Variants in ADAMTS18 observed in about 807,000 individuals in gnomAD.
The protein encoded by ADAMTS18 is ADAM metallopeptidase with thrombospondin type 1 motif 18, also known as A disintegrin and metalloproteinase with thrombospondin motifs 18.
In ADAMTS18, 157 loss-of-function variants were observed where a neutral mutation model predicts 165.9. The observed-to-expected ratio is 0.95, with a 90% CI of 0.83 to 1.08. The LOEUF is 1.08. Among genes scored for constraint, ADAMTS18 ranks in the 50% least tolerant of loss-of-function variants. The probability of loss-of-function intolerance (pLI) is 0.00; values close to 1 mark genes in which losing one functional copy is unlikely to be tolerated. For missense variants in ADAMTS18, 2,040 were observed against 1,534.0 expected (o/e 1.33, Z -5.51); for synonymous variants, 782 against 578.2 (o/e 1.35, Z -5.06).
chr16:77,381,991 C>G (rs1443505758), intron 3 of ADAMTS18, among the ~76,000 whole-genome samples: 2 of 152,094 alleles, frequency 1.3e-5, no homozygotes, highest in African/African-American at 4.8e-5. Context: ...AGATTTCACC[C>G]TGAAATGCTC....
intron 20 of ADAMTS18, 52 bp downstream of exon 20, chr16:77,293,024 T>C (rs757044039): frequency 1.1e-5 from 17 of 1,609,910 alleles, no homozygotes; most frequent in Non-Finnish European, 1.4e-5. Context: ...TTTCACTGTG[T>C]TAGCCAGGAT....
At position 77,431,298 on chromosome 16, in the gene ADAMTS18, G is replaced by C; in HGVS notation, c.492C>G (p.Gly164=). 2 of 1,614,132 alleles carry C rather than the reference G, an allele frequency of 1.2e-6. No homozygotes were observed. Among genetic ancestry groups the C allele is most frequent in the Non-Finnish European group, 1.7e-6 (2 of 1,180,024 alleles). Residue 164 remains glycine, a synonymous_variant, in exon 3 of 23, where the codon GGC becomes GGG. Coordinates refer to ENST00000282849, the MANE Select transcript of ADAMTS18 (RefSeq NM_199355.4). ...ACTCAGACTGGGGTGTACTTACCAA[G>C]CCAGCACACGTAGACACAGCGACAG... The part of the protein sequence containing the change: ...SSSVAVSTCA[G]LSGLIRTRKN...
intron 11 of ADAMTS18, among the ~76,000 whole-genome samples, chr16:77,338,321 C>T (rs544148343): frequency 5.3e-5 from 8 of 152,222 alleles, no homozygotes; most frequent in Non-Finnish European, 1.0e-4. Flanking sequence ...CTGTAGCCTC[C>T]ACCTCCCGGA....
chr16:77,348,512 C>T (rs547792323), intron 10 of ADAMTS18, among the ~76,000 whole-genome samples: 1 of 152,294 alleles, frequency 6.6e-6, no homozygotes, highest in Non-Finnish European at 1.5e-5. Context: ...CTGTGGCATG[C>T]CTGCTCAGAT....
In ADAMTS18 at chr16:77,373,378, G is replaced by A. The variant is rs144179047; in HGVS notation, c.496-5655C>T. Among the ~76,000 whole-genome samples, 797 of 151,338 alleles carry A rather than the reference G, an allele frequency of 5.3e-3. 7 individuals are homozygous for A. The highest frequency in any genetic ancestry group is 0.027 in the Middle Eastern group (8 of 292). On this transcript the variant is annotated intron_variant, in intron 3 of 22. Transcript: ENST00000282849. ...GGAGGCTGAGGCAGGACAATCGCTT[G>A]AACACGGGAGGCGGAGGTTGCAGTG... is the stretch of plus-strand genomic sequence containing the variant.
intron 21 of ADAMTS18, 70 bp downstream of exon 21, chr16:77,291,196 C>CTGTT (rs2055355357): frequency 6.5e-7 from 1 of 1,530,086 alleles, no homozygotes; most frequent in Non-Finnish European, 9.0e-7. Flanking sequence ...CTAAGAGCAA[C>CTGTT]TGTTTGCAGA....
intron 3 of ADAMTS18, among the ~76,000 whole-genome samples, chr16:77,422,967 C>G (rs1434761274): frequency 6.6e-6 from 1 of 152,188 alleles, no homozygotes; most frequent in Non-Finnish European, 1.5e-5. Flanking sequence ...AGGTCCTGTT[C>G]AGACACCTTG....
chr16:77,366,503 G>A (rs1265480736), intron 4 of ADAMTS18, among the ~76,000 whole-genome samples: 2 of 152,162 alleles, frequency 1.3e-5, no homozygotes, highest in Non-Finnish European at 2.9e-5. Flanking sequence ...AGGTTGCAGT[G>A]AGCAGAGATC....
chr16:77,327,642 T>C (rs934564920), intron 12 of ADAMTS18, among the ~76,000 whole-genome samples: 6 of 152,230 alleles, frequency 3.9e-5, no homozygotes, highest in Non-Finnish European at 7.3e-5. Flanking sequence ...GGGATATTCC[T>C]GACCCTCATC....
At chr16:77,302,893 T>C (rs1462571927) in intron 16 of ADAMTS18, among the ~76,000 whole-genome samples, 1 of 152,178 alleles carries the variant, frequency 6.6e-6, no homozygotes, top group Non-Finnish European at 1.5e-5. Context: ...AAAATGTGTT[T>C]AAGAAAAAGA....
rs567731783 is a variant in ADAMTS18, at chr16:77,417,060, C to T, written c.495+14235G>A. Among the ~76,000 whole-genome samples the T allele has an allele frequency of 1.5e-4, 23 of 152,240 alleles. No homozygotes were observed. In the South Asian group the frequency reaches 4.6e-3, roughly 30 times the overall value. ...ATCAGTCTCATCACTTATTTGTGTT[C>T]CCAGGGTCCTTTGCACATACCTTAA... is the stretch of plus-strand genomic sequence containing the variant. On this transcript the variant is annotated intron_variant, in intron 3 of 22. Transcript: ENST00000282849.
chr16:77,338,049 G>A (rs1019490658), intron 11 of ADAMTS18, among the ~76,000 whole-genome samples: 2 of 151,120 alleles, frequency 1.3e-5, no homozygotes, highest in East Asian at 2.0e-4. Flanking sequence ...GATTATAGGC[G>A]CCTGCCACTA....
At chr16:77,423,806 G>A (rs550141054) in intron 3 of ADAMTS18, among the ~76,000 whole-genome samples, 86 of 152,124 alleles carry the variant, frequency 5.7e-4, no homozygotes, top group African/African-American at 2.0e-3. Flanking sequence ...AAACATTCCC[G>A]CAAGCAGAAT....
intron 22 of ADAMTS18, among the ~76,000 whole-genome samples, chr16:77,288,784 C>G (rs752263912): frequency 4.6e-5 from 7 of 152,080 alleles, no homozygotes; most frequent in Admixed American, 6.5e-5. Context: ...ATTATTGTAG[C>G]AATTAAATAT....
At chr16:77,355,376 T>A (rs760481526) in intron 9 of ADAMTS18, among the ~76,000 whole-genome samples, 51 of 152,328 alleles carry the variant, frequency 3.3e-4, no homozygotes, top group African/African-American at 1.2e-3. Context: ...CATTTGGACA[T>A]AAAGCTAGCT....
chr16:77,375,690 G>A (rs1333856164), intron 3 of ADAMTS18, among the ~76,000 whole-genome samples: 3 of 152,156 alleles, frequency 2.0e-5, no homozygotes, highest in Non-Finnish European at 4.4e-5. Context: ...TACAATAAAG[G>A]ACAGGAAAGG....
chr16:77,323,804 C>T (rs953460648), intron 13 of ADAMTS18, among the ~76,000 whole-genome samples: 13 of 152,160 alleles, frequency 8.5e-5, no homozygotes, highest in Admixed American at 7.2e-4. Flanking sequence ...TTCTGTCTCC[C>T]TCCACTGAGA....
intron 3 of ADAMTS18, among the ~76,000 whole-genome samples, chr16:77,417,542 A>T (rs1322331455): frequency 6.6e-6 from 1 of 152,378 alleles, no homozygotes; most frequent in South Asian, 2.1e-4. Flanking sequence ...TTAAATGATT[A>T]GGTCAGCTGG....
chr16:77,399,186 G>C (rs922606591), intron 3 of ADAMTS18, among the ~76,000 whole-genome samples: 4 of 152,194 alleles, frequency 2.6e-5, no homozygotes, highest in Non-Finnish European at 5.9e-5. Flanking sequence ...CTCAATCCCA[G>C]CCAAGGCACC....
Sources: allele counts gnomAD v4.1 joint callset (sites outside exome capture counted in the v4.1 genomes callset), GRCh38; gene constraint gnomAD v4.1.1; transcripts MANE v1.5; gene names NCBI Gene and HGNC (gene_info 2026-07-23, HGNC 2026-07-21).